SHANK2: variants seen among roughly 807,000 people sequenced by gnomAD.
SHANK2 encodes SH3 and multiple ankyrin repeat domains protein 2.
A neutral mutation model predicts 133.7 loss-of-function variants in SHANK2; 43 were observed. That is an observed-to-expected ratio of 0.32 (90% CI 0.25 to 0.41). The LOEUF is 0.41. Ranked by LOEUF, SHANK2 falls within the 10% of genes least tolerant of loss-of-function variation. The pLI is 1.00. For synonymous variants in SHANK2, 1,017 were observed against 952.8 expected, an observed-to-expected ratio of 1.07 and a Z score of -1.24; for missense variants, 1,994 against 2,235.8, an observed-to-expected ratio of 0.89 and a Z score of 2.18.
chr11:70,732,459 G>A (rs571707091), intron 14 of SHANK2, among the ~76,000 whole-genome samples: 5 of 152,234 alleles, frequency 3.3e-5, no homozygotes, highest in African/African-American at 9.6e-5. Flanking sequence ...TTAGAAAGCC[G>A]AACCCATCAC....
chr11:70,813,590 G>C (rs1948322351), intron 12 of SHANK2, among the ~76,000 whole-genome samples: 1 of 152,036 alleles, frequency 6.6e-6, no homozygotes, highest in African/African-American at 2.4e-5. Context: ...CCAGGTTACG[G>C]CTCACGCAGA....
chr11:71,089,983 G>A (rs974877560), intron 8 of SHANK2, among the ~76,000 whole-genome samples: 3 of 152,184 alleles, frequency 2.0e-5, no homozygotes, highest in Non-Finnish European at 2.9e-5. Context: ...GACTGAGGAG[G>A]GGAAGCAGCT....
chr11:70,804,915 C>T lies in SHANK2; in HGVS notation c.1663+2087G>A, dbSNP rs1373806682. Among the ~76,000 whole-genome samples, 3 of 152,206 alleles carry T rather than the reference C, an allele frequency of 2.0e-5. No homozygotes were observed. The highest frequency in any genetic ancestry group is 4.4e-5 in the Non-Finnish European group (3 of 68,030). ...CTCATCCATGCTGCTACTCAGGGTC[C>T]CCTCTAAGGGACTCTCAGCTGTTTA... is the stretch of plus-strand genomic sequence containing the variant. On this transcript the variant is annotated intron_variant, in intron 13 of 25. Coordinates refer to ENST00000601538, the MANE Select transcript of SHANK2 (RefSeq NM_012309.5). This position sits in a 1 kb window ranked among gnomAD's most constrained non-coding sequence, Gnocchi z 4.1.
intron 12 of SHANK2, among the ~76,000 whole-genome samples, chr11:70,813,223 T>A (rs1396795422): frequency 6.6e-6 from 1 of 151,880 alleles, no homozygotes. Context: ...GGACTTGAGG[T>A]CAGGGTTAGA....
intron 7 of SHANK2, 135 bp from the exon 8 acceptor site, chr11:71,092,724 T>C: frequency 1.3e-6 from 1 of 789,104 alleles, no homozygotes; most frequent in South Asian, 1.8e-5. Flanking sequence ...CCAGTGCTTC[T>C]CCTGGGCTCC....
intron 3 of SHANK2, among the ~76,000 whole-genome samples, chr11:71,145,491 C>T (rs560861978): frequency 5.3e-4 from 81 of 152,318 alleles, no homozygotes; most frequent in African/African-American, 1.8e-3. Context: ...GCACGTTAGT[C>T]CCCTCAGCCC....
At chr11:70,901,822 C>T (rs532931181) in intron 10 of SHANK2, among the ~76,000 whole-genome samples, 5 of 152,234 alleles carry the variant, frequency 3.3e-5, no homozygotes, top group Middle Eastern at 6.8e-3. Context: ...GGATGTCAGA[C>T]GTGGTGAATG....
At chr11:70,622,125 A>T (rs2060837047) in intron 17 of SHANK2, among the ~76,000 whole-genome samples, 1 of 152,086 alleles carries the variant, frequency 6.6e-6, no homozygotes, top group Admixed American at 6.5e-5. Context: ...GCCTGACAAG[A>T]ACAGCTGGTC....
chr11:70,663,453 C>T (rs1479409152), intron 15 of SHANK2, among the ~76,000 whole-genome samples: 1 of 152,160 alleles, frequency 6.6e-6, no homozygotes, highest in South Asian at 2.1e-4. Context: ...TCAGAGAGAT[C>T]GGAGGACCCA....
At chr11:70,662,069 C>G in intron 15 of SHANK2, 1 of 483,228 alleles carries the variant, frequency 2.1e-6, no homozygotes, top group Non-Finnish European at 3.8e-6. Context: ...GCCTCAGCAG[C>G]GGCGGCGTCG....
In SHANK2 at chr11:70,502,780, G is replaced by C; in HGVS notation, c.2197+16C>G. 1 of 1,596,864 alleles carries C rather than the reference G, an allele frequency of 6.3e-7. No individual in the cohort carries two copies. Among genetic ancestry groups the C allele is most frequent in the Non-Finnish European group, 8.5e-7 (1 of 1,172,714 alleles). ...GTAGGGCCCCAGGCTGGAGCTGGGC[G>C]ATGTGGGGCATGTACCTTTCTTCCT... On this transcript the variant is annotated intron_variant, in intron 18 of 25. Transcript: ENST00000601538.
intron 10 of SHANK2, chr11:70,943,168 T>C (rs1555084697): frequency 6.7e-6 from 3 of 446,044 alleles, no homozygotes; most frequent in South Asian, 3.2e-5. Context: ...CATCACATCA[T>C]TGAGAAGATG....
At chr11:71,117,147 G>A (rs1366667061) in intron 4 of SHANK2, among the ~76,000 whole-genome samples, 2 of 152,174 alleles carry the variant, frequency 1.3e-5, no homozygotes, top group Non-Finnish European at 1.5e-5. Flanking sequence ...AGCCCCCCGA[G>A]TAGCTGGGAT....
At chr11:71,191,748 G>A (rs1296519719) in intron 2 of SHANK2, among the ~76,000 whole-genome samples, 2 of 152,002 alleles carry the variant, frequency 1.3e-5, no homozygotes, top group East Asian at 1.9e-4. Flanking sequence ...TAATAGAGAC[G>A]GAGTTTCACC....
intron 14 of SHANK2, 77 bp from the exon 15 acceptor site, chr11:70,698,840 G>A (rs1338589990): frequency 9.8e-6 from 7 of 716,118 alleles, no homozygotes; most frequent in South Asian, 1.5e-5. Context: ...ACATGAGGCT[G>A]GTGGGCCCTC....
intron 12 of SHANK2, among the ~76,000 whole-genome samples, chr11:70,812,508 C>T (rs1948301144): frequency 6.6e-6 from 1 of 152,260 alleles, no homozygotes; most frequent in Non-Finnish European, 1.5e-5. Context: ...CTGGTCCTCA[C>T]ATCCTAGCTC....
chr11:71,117,589 C>T (rs1297335277), intron 4 of SHANK2, among the ~76,000 whole-genome samples: 1 of 144,738 alleles, frequency 6.9e-6, no homozygotes, highest in Non-Finnish European at 1.6e-5. Flanking sequence ...GTCCAATCAC[C>T]ATGGTCAGTG....
At chr11:70,710,612 G>A (rs1945762469) in intron 14 of SHANK2, among the ~76,000 whole-genome samples, 1 of 152,228 alleles carries the variant, frequency 6.6e-6, no homozygotes, top group Non-Finnish European at 1.5e-5. Flanking sequence ...TTGAAAGCAA[G>A]TACTTTTCTC....
chr11:71,167,744 C>T (rs1386269865), intron 2 of SHANK2, among the ~76,000 whole-genome samples: 2 of 132,380 alleles, frequency 1.5e-5, no homozygotes, highest in African/African-American at 2.9e-5. Flanking sequence ...TAGGGGCGGC[C>T]GGGCAGAGGC....
Sources: allele counts gnomAD v4.1 joint callset (sites outside exome capture counted in the v4.1 genomes callset), GRCh38; gene constraint gnomAD v4.1.1; non-coding constraint Gnocchi (gnomAD v3.1); transcripts MANE v1.5; gene names NCBI Gene and HGNC (gene_info 2026-07-23, HGNC 2026-07-21).